Variants in FAM13A observed in about 807,000 individuals in gnomAD.
The protein encoded by FAM13A is family with sequence similarity 13 member A.
FAM13A carries 76 observed loss-of-function variants against 129.6 expected under a neutral mutation model. That is an observed-to-expected ratio of 0.59 (90% confidence interval 0.49 to 0.71). The LOEUF is 0.71. FAM13A is among the 30% of genes least tolerant of loss of function. The pLI is 0.00. For synonymous variants in FAM13A, 443 were observed against 449.9 expected (o/e 0.98, Z 0.20); for missense variants, 1,108 against 1,249.3 (o/e 0.89, Z 1.70).
chr4:88,797,530 G>A (rs1726461082), intron 8 of FAM13A, among the ~76,000 whole-genome samples: 1 of 152,158 alleles, frequency 6.6e-6, no homozygotes, highest in African/African-American at 2.4e-5. Context: ...CTCCGAAAGT[G>A]CTGGGATTAC....
chr4:88,979,021 T>G (rs1761292928), intron 4 of FAM13A, among the ~76,000 whole-genome samples: 1 of 151,930 alleles, frequency 6.6e-6, no homozygotes, highest in Non-Finnish European at 1.5e-5. Flanking sequence ...AAATCAGTCA[T>G]AAAAAAGACG....
intron 3 of FAM13A, among the ~76,000 whole-genome samples, chr4:89,020,128 A>ATT (rs1767043255): frequency 6.6e-6 from 1 of 152,268 alleles, no homozygotes; most frequent in East Asian, 1.9e-4. Flanking sequence ...GTATTTCATA[A>ATT]TCAGTCTAGT....
intron 12 of FAM13A, 22 bp downstream of exon 12, chr4:88,767,961 T>C (rs1188944317): frequency 1.4e-6 from 2 of 1,432,012 alleles, no homozygotes; most frequent in Non-Finnish European, 2.0e-6. Context: ...GAAAGAATAT[T>C]AGGAGACAAT....
intron 4 of FAM13A, among the ~76,000 whole-genome samples, chr4:88,983,161 C>G (rs950732731): frequency 2.6e-5 from 4 of 152,048 alleles, no homozygotes; most frequent in African/African-American, 7.2e-5. Context: ...CCAAAAAGTA[C>G]TACCCAATAA....
At chr4:88,878,839 C>T (rs963142553) in intron 6 of FAM13A, among the ~76,000 whole-genome samples, 2 of 152,154 alleles carry the variant, frequency 1.3e-5, no homozygotes, top group African/African-American at 2.4e-5. Flanking sequence ...ACAATGAGCA[C>T]AAAGTACAAA....
intron 6 of FAM13A, among the ~76,000 whole-genome samples, chr4:88,886,423 T>C (rs995763873): frequency 1.3e-5 from 2 of 151,576 alleles, no homozygotes; most frequent in East Asian, 3.9e-4. Flanking sequence ...ACCCCATCTC[T>C]ACTAGAATTA....
chr4:88,787,556 T>C (rs1392474608), intron 10 of FAM13A, among the ~76,000 whole-genome samples, 197 bp downstream of exon 10: 5 of 152,172 alleles, frequency 3.3e-5, no homozygotes, highest in Admixed American at 2.0e-4. Flanking sequence ...GAAACGGAAA[T>C]ATTTATGCAA....
At position 88,726,641 on chromosome 4, in the gene FAM13A, TAA is replaced by T. The variant is rs1020840242; in HGVS notation, c.*1890_*1891del. The T allele has an allele frequency of 9.1e-5, 12 of 132,108 alleles. No individual in the cohort carries two copies. 8.2% of individuals were successfully genotyped at this position (132,108 alleles called of 1,614,324 possible). The stretch of plus-strand genomic sequence containing the variant: ...AAAGGACAGACTAGACATGTATTTT[TAA>T]AAAAACACAATTTTTGGTCATGTGA... On this transcript the variant is annotated 3_prime_UTR_variant, in exon 24 of 24. Transcript: ENST00000264344.
chr4:88,766,970 G>A (rs1017684904), intron 13 of FAM13A, among the ~76,000 whole-genome samples: 1 of 152,172 alleles, frequency 6.6e-6, no homozygotes, highest in African/African-American at 2.4e-5. Context: ...GCTGGACTTG[G>A]GAGCAAGGGA....
chr4:88,784,858 T>A (rs761478821), intron 10 of FAM13A, among the ~76,000 whole-genome samples: 2 of 152,124 alleles, frequency 1.3e-5, no homozygotes, highest in Non-Finnish European at 2.9e-5. Flanking sequence ...TGGCAGATAG[T>A]AGATTTTTTT....
chr4:88,941,996 C>T (rs1754837494), intron 4 of FAM13A, among the ~76,000 whole-genome samples: 1 of 152,016 alleles, frequency 6.6e-6, no homozygotes, highest in Non-Finnish European at 1.5e-5. Flanking sequence ...GGCTCTAAGA[C>T]CCAAGATCCA....
chr4:88,792,315 A>G (rs1250170762), intron 8 of FAM13A, among the ~76,000 whole-genome samples: 2 of 152,100 alleles, frequency 1.3e-5, no homozygotes, highest in African/African-American at 2.4e-5. Context: ...GAAAGGTTTT[A>G]GCTCAGAGTC....
At chr4:88,987,563 CT>C (rs1202271695) in intron 4 of FAM13A, among the ~76,000 whole-genome samples, 4 of 152,084 alleles carry the variant, frequency 2.6e-5, no homozygotes, top group Admixed American at 2.0e-4. Flanking sequence ...GGCCAAAAAA[CT>C]TAATCTGAGG....
chr4:88,917,915 T>C (rs1483302310), intron 5 of FAM13A, among the ~76,000 whole-genome samples: 1 of 152,196 alleles, frequency 6.6e-6, no homozygotes, highest in East Asian at 1.9e-4. Flanking sequence ...CCATTCACTA[T>C]AATTTTGACC....
At chr4:88,893,644 AT>A (rs1745778274) in intron 6 of FAM13A, among the ~76,000 whole-genome samples, 1 of 80,826 alleles carries the variant, frequency 1.2e-5, no homozygotes, top group African/African-American at 5.4e-5. Context: ...GAATGAATGA[AT>A]AAATAAATAA....
intron 14 of FAM13A, among the ~76,000 whole-genome samples, chr4:88,757,488 A>T (rs764654600): frequency 9.2e-5 from 14 of 152,228 alleles, no homozygotes; most frequent in Non-Finnish European, 1.6e-4. Context: ...ATTAAAAACT[A>T]ACATGATTAT....
intron 6 of FAM13A, among the ~76,000 whole-genome samples, chr4:88,880,165 G>C (rs547104685): frequency 1.8e-4 from 28 of 152,248 alleles, no homozygotes; most frequent in African/African-American, 6.7e-4. Context: ...AACTACCACA[G>C]GGACATAGCA....
chr4:89,053,319 C>T (rs555910574), intron 1 of FAM13A, among the ~76,000 whole-genome samples: 1 of 152,252 alleles, frequency 6.6e-6, no homozygotes, highest in South Asian at 2.1e-4. Context: ...GCACAGAAGG[C>T]AAGAGCAACA....
chr4:88,920,473 G>A (rs932102750), intron 5 of FAM13A, among the ~76,000 whole-genome samples: 1 of 152,204 alleles, frequency 6.6e-6, no homozygotes, highest in African/African-American at 2.4e-5. Flanking sequence ...AACTCCAACA[G>A]ACCTGCAGCT....
Sources: allele counts gnomAD v4.1 joint callset (sites outside exome capture counted in the v4.1 genomes callset), GRCh38; gene constraint gnomAD v4.1.1; transcripts MANE v1.5; gene names NCBI Gene and HGNC (gene_info 2026-07-23, HGNC 2026-07-21).